HEPHL1: variants seen among roughly 807,000 people sequenced by gnomAD.
The protein encoded by HEPHL1 is hephaestin like 1.
A neutral mutation model predicts 122.0 loss-of-function variants in HEPHL1; 123 were observed. The ratio of observed to expected loss-of-function variants is 1.01; its 90% CI spans 0.87 to 1.17. The LOEUF (loss-of-function observed/expected upper bound fraction) is 1.17. Ranked by LOEUF, HEPHL1 falls within the 50% of genes most tolerant of loss-of-function variation. The probability of loss-of-function intolerance (pLI) is 0.00; values close to 1 mark genes in which losing one functional copy is unlikely to be tolerated. For synonymous variants in HEPHL1, 527 were observed against 508.9 expected (o/e 1.04, Z -0.48); for missense variants, 1,452 against 1,430.5 (o/e 1.01, Z -0.24).
At chr11:94,098,502 C>G (rs1368347316) in intron 13 of HEPHL1, among the ~76,000 whole-genome samples, 1 of 152,124 alleles carries the variant, frequency 6.6e-6, no homozygotes, top group Non-Finnish European at 1.5e-5. Context: ...TGTAGTTGCT[C>G]TTCTCGAGGA....
intron 1 of HEPHL1, among the ~76,000 whole-genome samples, chr11:94,043,483 G>A (rs1945805625): frequency 2.0e-5 from 3 of 152,080 alleles, no homozygotes; most frequent in Admixed American, 2.0e-4. Context: ...CACAAGTCCT[G>A]CCCTAACAAC....
At chr11:94,111,162 C>A (rs1946445817) in intron 18 of HEPHL1, 97 bp downstream of exon 18, 9 of 954,158 alleles carry the variant, frequency 9.4e-6, no homozygotes, top group Non-Finnish European at 1.4e-5. Flanking sequence ...TAGCCCTCAA[C>A]AAGCTCAGAG....
At chr11:94,049,618 T>TA (rs3995730) in intron 2 of HEPHL1, among the ~76,000 whole-genome samples, 6,000 of 138,310 alleles carry the variant, frequency 0.043, 432 homozygotes, top group African/African-American at 0.14. Context: ...TAGGATGTAG[T>TA]AAAAAAAAAA....
rs780421492 is a variant in HEPHL1, at chr11:94,070,330, G to A, written c.1064-44G>A. The A allele has an allele frequency of 2.0e-6, 3 of 1,534,512 alleles. No individual in the cohort carries two copies. The South Asian group carries it at 3.7e-5, about 19-fold the overall frequency. ...AGTCTTTTCCTATATGATTCCTTTT[G>A]TGATCATTTATGCCTCAGCTCGTGG... On this transcript the variant is annotated intron_variant, in intron 5 of 19. Coordinates refer to ENST00000315765, the MANE Select transcript of HEPHL1 (RefSeq NM_001098672.2).
intron 1 of HEPHL1, among the ~76,000 whole-genome samples, chr11:94,039,297 C>T (rs1365047740): frequency 2.0e-5 from 3 of 151,408 alleles, no homozygotes; most frequent in Middle Eastern, 3.4e-3. Context: ...TCACTGTCAA[C>T]ATTAGACAGA....
chr11:94,024,596 T>G (rs1225380200), intron 1 of HEPHL1, among the ~76,000 whole-genome samples: 1 of 152,150 alleles, frequency 6.6e-6, no homozygotes. Flanking sequence ...CCCCTGTCCT[T>G]TAAGAATTAT....
In HEPHL1 at chr11:94,108,975, T is replaced by C. The variant is rs1270006703; in HGVS notation, c.3046-1928T>C. On this transcript the variant is annotated intron_variant, in intron 17 of 19. Transcript: ENST00000315765. ...GTTGGACAGAACTGACATAACAATA[T>C]TGAGGCTTCCAATCCATGAACATGG... Among the ~76,000 whole-genome samples, 5 of 152,156 alleles carry C rather than the reference T, an allele frequency of 3.3e-5. No individual in the cohort carries two copies. The South Asian group carries it at 8.3e-4, about 25-fold the overall frequency.
Position 94,048,429 on chromosome 11 carries a change from G to C in HEPHL1, c.415+2512G>C, listed in dbSNP as rs576340819. 1.8e-3 allele frequency among the ~76,000 whole-genome samples: 279 copies of C among 152,162 alleles called. 1 individual carries two copies. The highest frequency in any genetic ancestry group is 6.8e-3 in the Middle Eastern group (2 of 294). On this transcript the variant is annotated intron_variant, in intron 2 of 19. Coordinates refer to ENST00000315765, the MANE Select transcript of HEPHL1 (RefSeq NM_001098672.2). ...GGCTGGAGTGCAGTAGTACAGTCAT[G>C]GTTCATTGCAGCCTTGAACTCCTGT...
chr11:94,088,738 A>G lies in HEPHL1; in HGVS notation c.2081-17A>G. On this transcript the variant is annotated splice_polypyrimidine_tract_variant and intron_variant, in intron 11 of 19. Coordinates refer to ENST00000315765, the MANE Select transcript of HEPHL1 (RefSeq NM_001098672.2). ...ATACCGAGCACCACACTCAATGCCG[A>G]GCCATTTCTCTTGCAGGTATTTTTA... 2.5e-6 allele frequency: 4 copies of G among 1,601,410 alleles called. No homozygotes were observed. The highest frequency in any genetic ancestry group is 3.4e-6 in the Non-Finnish European group (4 of 1,171,298).
chr11:94,065,711 T>C (rs1946027911), intron 4 of HEPHL1, among the ~76,000 whole-genome samples: 1 of 152,192 alleles, frequency 6.6e-6, no homozygotes, highest in African/African-American at 2.4e-5. Flanking sequence ...CCAGTTGTAA[T>C]GCATATCCTT....
chr11:94,088,702 C>T, intron 11 of HEPHL1, 53 bp from the exon 12 acceptor site: 3 of 1,403,568 alleles, frequency 2.1e-6, no homozygotes, highest in Admixed American at 2.0e-5. Context: ...AACAGACCAT[C>T]ACCAACAAAA....
chr11:94,052,396 C>G (rs989002603), intron 2 of HEPHL1, among the ~76,000 whole-genome samples: 3 of 151,668 alleles, frequency 2.0e-5, no homozygotes, highest in African/African-American at 7.3e-5. Flanking sequence ...AATGGGATTA[C>G]TTTCTTGATT....
At chr11:94,032,198 C>A (rs561381277) in intron 1 of HEPHL1, among the ~76,000 whole-genome samples, 2 of 152,308 alleles carry the variant, frequency 1.3e-5, no homozygotes, top group African/African-American at 4.8e-5. Context: ...GCTTCCAGCT[C>A]CCCAGTGATG....
intron 2 of HEPHL1, among the ~76,000 whole-genome samples, chr11:94,057,019 G>T (rs1945943393): frequency 6.6e-6 from 1 of 152,002 alleles, no homozygotes; most frequent in African/African-American, 2.4e-5. Flanking sequence ...GGATCGTTTT[G>T]CTGGATATAG....
At chr11:94,097,122 T>C (rs1177853859) in intron 13 of HEPHL1, among the ~76,000 whole-genome samples, 1 of 152,238 alleles carries the variant, frequency 6.6e-6, no homozygotes, top group Non-Finnish European at 1.5e-5. Context: ...GTGTGTCAAT[T>C]TTAGATCTTT....
intron 10 of HEPHL1, among the ~76,000 whole-genome samples, chr11:94,084,511 C>T (rs978450117): frequency 6.6e-6 from 1 of 152,004 alleles, no homozygotes; most frequent in Non-Finnish European, 1.5e-5. Context: ...AAGACAGCAA[C>T]AAAGCCAAAA....
chr11:94,106,071 A>G lies in HEPHL1; in HGVS notation c.2986A>G (p.Ile996Val). 6.2e-7 allele frequency: 1 copy of G among 1,600,124 alleles called. No homozygotes were observed. The highest frequency in any genetic ancestry group is 8.5e-7 in the Non-Finnish European group (1 of 1,170,702). The change falls in exon 17 of 20, where the codon ATA becomes GTA. Residue 996 changes from isoleucine (I) to valine (V), a missense_variant. Ile to Val is a conservative substitution (Grantham distance 29, BLOSUM62 3). Transcript: ENST00000315765. ...DTMTNWYLLG[I>V]GSEVDIHTIH... ...AATGACAAACTGGTATTTGTTAGGG[A>G]TAGGAAGTGAAGTGGACATACATAC...
chr11:94,051,899 T>C (rs977374076), intron 2 of HEPHL1, among the ~76,000 whole-genome samples: 1 of 152,078 alleles, frequency 6.6e-6, no homozygotes, highest in African/African-American at 2.4e-5. Context: ...AGAGACTGTC[T>C]TTTCCCCAGT....
intron 14 of HEPHL1, 98 bp from the exon 15 acceptor site, chr11:94,102,816 A>G (rs1946377978): frequency 1.6e-6 from 1 of 645,066 alleles, no homozygotes; most frequent in Non-Finnish European, 2.7e-6. Context: ...AGCAATAAAC[A>G]TTAATGAAAA....
Sources: allele counts gnomAD v4.1 joint callset (sites outside exome capture counted in the v4.1 genomes callset), GRCh38; gene constraint gnomAD v4.1.1; transcripts MANE v1.5; gene names NCBI Gene and HGNC (gene_info 2026-07-23, HGNC 2026-07-21).